The following ATXN1 variants were observed in gnomAD, a reference collection of about 807,000 sequenced individuals.
ATXN1 encodes the protein ataxin-1.
A neutral mutation model predicts 56.4 loss-of-function variants in ATXN1; 8 were observed. That is an observed-to-expected ratio of 0.14 (90% confidence interval 0.08 to 0.26). The LOEUF (loss-of-function observed/expected upper bound fraction) is 0.26, where lower values mean the gene tolerates loss of function less well. Among genes scored for constraint, ATXN1 ranks in the 10% least tolerant of loss-of-function variants. The probability of loss-of-function intolerance (pLI) is 1.00; values close to 1 mark genes in which losing one functional copy is unlikely to be tolerated. For synonymous variants in ATXN1, 514 were observed against 494.6 expected (o/e 1.04, Z -0.52); for missense variants, 987 against 1,106.5 (o/e 0.89, Z 1.53).
chr6:16,393,903 C>CT (rs367640759), intron 6 of ATXN1, among the ~76,000 whole-genome samples: 6,464 of 127,502 alleles, frequency 0.051, 179 homozygotes, highest in African/African-American at 0.079. Context: ...ATGGAATCAC[C>CT]TTTTTTTTTT....
intron 3 of ATXN1, chr6:16,615,702 T>C (rs1258867815): frequency 6.6e-6 from 1 of 151,722 alleles, no homozygotes; most frequent in Non-Finnish European, 1.5e-5. Flanking sequence ...CACAAACCAG[T>C]AGCCAATATT....
At chr6:16,635,875 GAC>G (rs1763587466) in intron 3 of ATXN1, among the ~76,000 whole-genome samples, 1 of 152,130 alleles carries the variant, frequency 6.6e-6, no homozygotes, top group Non-Finnish European at 1.5e-5. Flanking sequence ...ACAAAGCGAC[GAC>G]GCCCACTGTG....
At position 16,682,603 on chromosome 6, in the gene ATXN1, CATTTA is replaced by C. The variant is rs369199405; in HGVS notation, c.-614-24707_-614-24703del. On this transcript the variant is annotated intron_variant, in intron 2 of 7. Transcript: ENST00000436367. Reference sequence around the variant, plus strand: ...AAAAGAAAGGAACATGTAAAAGTGGCATTTAATTTATCAGGACCCTTAGTCACATT... The same window carrying C: ...AAAAGAAAGGAACATGTAAAAGTGGCATTTATCAGGACCCTTAGTCACATT... Among the ~76,000 whole-genome samples, 659 of 152,280 alleles carry C rather than the reference CATTTA, an allele frequency of 4.3e-3. 4 individuals are homozygous for C. The highest frequency in any genetic ancestry group is 7.9e-3 in the Non-Finnish European group (536 of 68,016).
At chr6:16,665,960 C>T (rs1470167719) in intron 2 of ATXN1, among the ~76,000 whole-genome samples, 1 of 152,156 alleles carries the variant, frequency 6.6e-6, no homozygotes, top group Non-Finnish European at 1.5e-5. Context: ...TTGGGATACC[C>T]ATCACTTCAT....
rs577952838 is a variant in ATXN1, at chr6:16,328,026, A to G, written c.285T>C (p.Ser95=). The G allele has an allele frequency of 3.2e-5, 52 of 1,613,542 alleles. No individual in the cohort carries two copies. In the Middle Eastern group the frequency reaches 6.6e-4, roughly 20 times the overall value. The change falls in exon 7 of 8, where the codon TCT becomes TCC. Residue 95 remains serine, a synonymous_variant. Transcript: ENST00000436367. This position sits in a 1 kb window ranked among gnomAD's most constrained non-coding sequence, Gnocchi z 6.2. ...LDYSPPSAPR[S]VPVATTLPAA... ...CAGGCAGCGTGGTGGCCACGGGGAC[A>G]GACCTGGGAGCGCTGGGCGGGGAGT... is the stretch of plus-strand genomic sequence containing the variant.
At chr6:16,653,623 T>C (rs1376673468) in intron 3 of ATXN1, among the ~76,000 whole-genome samples, 1 of 152,170 alleles carries the variant, frequency 6.6e-6, no homozygotes, top group African/African-American at 2.4e-5. Context: ...CCAATCTTAG[T>C]CAGGGGCTCC....
intron 3 of ATXN1, among the ~76,000 whole-genome samples, chr6:16,606,866 G>GC (rs1763017301): frequency 2.4e-4 from 5 of 21,232 alleles, no homozygotes; most frequent in South Asian, 3.5e-3. Flanking sequence ...AGTTCCATGA[G>GC]TTGTGTGTGT....
chr6:16,477,427 A>C (rs1760348619), intron 6 of ATXN1, among the ~76,000 whole-genome samples: 1 of 152,250 alleles, frequency 6.6e-6, no homozygotes, highest in South Asian at 2.1e-4. Context: ...ATGTGGCATA[A>C]TGAGAGGAGA....
intron 6 of ATXN1, among the ~76,000 whole-genome samples, chr6:16,465,516 G>C (rs1202969422): frequency 6.6e-6 from 1 of 152,134 alleles, no homozygotes; most frequent in African/African-American, 2.4e-5. Context: ...ATGACTCCCA[G>C]GCAAGGTTTG....
At chr6:16,454,419 AC>A (rs1053663683) in intron 6 of ATXN1, among the ~76,000 whole-genome samples, 1 of 151,918 alleles carries the variant, frequency 6.6e-6, no homozygotes, top group African/African-American at 2.4e-5. Context: ...TAAATGGTTA[AC>A]CCCCCCTGCT....
At chr6:16,400,237 C>G (rs1163746903) in intron 6 of ATXN1, among the ~76,000 whole-genome samples, 1 of 152,186 alleles carries the variant, frequency 6.6e-6, no homozygotes, top group Non-Finnish European at 1.5e-5. Context: ...AAAAGTAGCT[C>G]TCTTCTTGCT....
chr6:16,357,759 C>G (rs141071761), intron 6 of ATXN1, among the ~76,000 whole-genome samples: 1 of 152,042 alleles, frequency 6.6e-6, no homozygotes, highest in Non-Finnish European at 1.5e-5. Flanking sequence ...TGGCAAGGCT[C>G]GAGGAATGAT....
intron 6 of ATXN1, among the ~76,000 whole-genome samples, chr6:16,409,636 G>A (rs1226160873): frequency 7.5e-6 from 1 of 134,034 alleles, no homozygotes. Flanking sequence ...CTGGGCAATA[G>A]AGTAAGACTA....
chr6:16,761,236 G>A (rs1175206145), intron 1 of ATXN1, 62 bp downstream of exon 1: 1 of 419,256 alleles, frequency 2.4e-6, no homozygotes, highest in African/African-American at 2.0e-5. Flanking sequence ...ATCTAAATAA[G>A]GGGAGAAGGG....
rs1046577934 is a variant in ATXN1 at position 16,753,341 on chromosome 6, G to A, written c.-723C>T. On this transcript the variant is annotated 5_prime_UTR_variant, in exon 2 of 8. Coordinates refer to ENST00000436367, the MANE Select transcript of ATXN1 (RefSeq NM_001128164.2). ...GGACCACCCTGGTGACTTGATGCAC[G>A]ATGCTCCTGCAATGGTCGAGGGAGT... is the stretch of plus-strand genomic sequence containing the variant. 4 of 456,806 alleles carry A rather than the reference G, an allele frequency of 8.8e-6. No homozygotes were observed. The highest frequency in any genetic ancestry group is 2.3e-5 in the Admixed American group (1 of 42,564). The allele number at this position is 456,806 out of a possible 1,614,324, so 28.3% of individuals were successfully genotyped here.
rs572112127 is a variant in ATXN1, at chr6:16,708,605, T to C, written c.-615+44628A>G. The stretch of plus-strand genomic sequence containing the variant: ...TCAGTAGATTTCTAGACAAGGAGAA[T>C]TGCCAGAGTTAAAGGGTCATTTCAT... On this transcript the variant is annotated intron_variant, in intron 2 of 7. Transcript: ENST00000436367. Among the ~76,000 whole-genome samples the C allele has an allele frequency of 5.7e-4, 87 of 152,244 alleles. 1 individual carries two copies. In the South Asian group the frequency reaches 9.7e-3, roughly 17 times the overall value.
chr6:16,624,330 G>A (rs1258693977), intron 3 of ATXN1, among the ~76,000 whole-genome samples: 1 of 142,160 alleles, frequency 7.0e-6, no homozygotes, highest in Non-Finnish European at 1.5e-5. Context: ...CAGCCTGGGG[G>A]ATGAGAGCGA....
intron 6 of ATXN1, among the ~76,000 whole-genome samples, chr6:16,356,253 T>C (rs1318237699): frequency 6.6e-6 from 1 of 152,166 alleles, no homozygotes; most frequent in East Asian, 1.9e-4. Context: ...GTGGCACAGG[T>C]CACGGATTTT....
intron 3 of ATXN1, among the ~76,000 whole-genome samples, chr6:16,618,138 T>A (rs1763253816): frequency 6.6e-6 from 1 of 151,832 alleles, no homozygotes; most frequent in Non-Finnish European, 1.5e-5. Flanking sequence ...CTGGAAACCA[T>A]CATTCTCAGC....
Sources: gnomAD v4.1 joint callset for allele counts (sites outside exome capture counted in the v4.1 genomes callset) on GRCh38, gnomAD v4.1.1 for gene constraint, Gnocchi (gnomAD v3.1) non-coding constraint, MANE v1.5 for transcripts, NCBI Gene and HGNC (gene_info 2026-07-23, HGNC 2026-07-21) for gene names.